The following XIST variants were observed in gnomAD, a reference collection of about 807,000 sequenced individuals.
XIST encodes X inactive specific transcript.
chrX:73,829,217 A>T (rs757767002), exon 5 of XIST: 13 of 555,318 alleles, frequency 2.3e-5, no homozygotes, highest in Non-Finnish European at 4.2e-5. Context: ...TTTGGCAGAT[A>T]GGAACAATGA....
intron 2 of XIST, among the ~76,000 whole-genome samples, chrX:73,836,088 G>C (rs1432535086): frequency 1.8e-5 from 2 of 111,097 alleles, no homozygotes; most frequent in Non-Finnish European, 3.8e-5. Flanking sequence ...TCCCACGTGT[G>C]AACATGCCTT....
At chrX:73,849,917 G>C (rs1303341069) in exon 1 of XIST, 2 of 541,123 alleles carry the variant, frequency 3.7e-6, no homozygotes, top group Non-Finnish European at 6.6e-6. Flanking sequence ...GGCTAGACTA[G>C]GGGTTTGCTG....
chrX:73,848,665 T>C (rs1191737325), exon 1 of XIST: 1 of 558,375 alleles, frequency 1.8e-6, no homozygotes, highest in South Asian at 2.2e-5. Context: ...CTGCACTCGT[T>C]AGCAACATCC....
At chrX:73,820,729 G>T in exon 6 of XIST, 1 of 556,855 alleles carries the variant, frequency 1.8e-6, no homozygotes, top group Non-Finnish European at 3.2e-6. Context: ...CATCTAGATG[G>T]CTTAAGATTA....
At chrX:73,842,703 A>G (rs955715802) in exon 1 of XIST, 1 of 558,517 alleles carries the variant, frequency 1.8e-6, no homozygotes, top group South Asian at 2.2e-5. Context: ...AGAGGGGTTC[A>G]TGTATAATGG....
At chrX:73,829,236 A>T (rs1177360353) in intron 4 of XIST, 3 of 551,544 alleles carry the variant, frequency 5.4e-6, no homozygotes, top group Non-Finnish European at 9.8e-6. Context: ...GAAGAGCTAT[A>T]AAAAAACATG....
exon 1 of XIST, chrX:73,846,709 C>T: frequency 1.8e-6 from 1 of 559,015 alleles, no homozygotes; most frequent in Non-Finnish European, 3.2e-6. Flanking sequence ...TAGTGCATAG[C>T]AACCTCGACA....
chrX:73,823,309 C>CTTTTTTTTTTTTT, exon 6 of XIST: 1 of 440,200 alleles, frequency 2.3e-6, no homozygotes, highest in African/African-American at 2.8e-5. Flanking sequence ...ATTTTTCTTT[C>CTTTTTTTTTTTTT]TTTTTTTTTT....
In XIST at chrX:73,850,893, G is replaced by C. The variant is rs777915308; in HGVS notation, n.1831C>G. ...TGGACAGGAGGGGACAAATAAGAGGGGACAGAGGTGGAAAGGCTAAATGTC... is the reference window on the plus strand; with the variant it reads ...TGGACAGGAGGGGACAAATAAGAGGCGACAGAGGTGGAAAGGCTAAATGTC... On this transcript the variant is annotated non_coding_transcript_exon_variant, in exon 1 of 6. Coordinates refer to ENST00000429829, the Ensembl canonical transcript of XIST. 3.7e-5 allele frequency: 20 copies of C among 547,929 alleles called. No homozygotes were observed. The Admixed American group carries it at 4.6e-4, about 13-fold the overall frequency. 45.2% of individuals were successfully genotyped at this position (547,929 alleles called of 1,213,427 possible).
chrX:73,826,824 C>T (rs759767267), exon 6 of XIST: 1 of 558,329 alleles, frequency 1.8e-6, no homozygotes, highest in South Asian at 2.2e-5. Context: ...CAGCTACAAC[C>T]CTGGGCTAAT....
At chrX:73,821,261 T>C (rs775394130) in exon 6 of XIST, 10 of 554,940 alleles carry the variant, frequency 1.8e-5, no homozygotes, top group Admixed American at 1.8e-4. Flanking sequence ...TACTTTGACA[T>C]TTATCTATTT....
At chrX:73,844,169 AAGAAAAGGGGACTT>A in exon 1 of XIST, 1 of 558,907 alleles carries the variant, frequency 1.8e-6, no homozygotes. Flanking sequence ...TCAACAAGCC[AAGAAAAGGGGACTT>A]AGGGGGTCAG....
chrX:73,850,054 G>A (rs1922877788), exon 1 of XIST: 1 of 559,091 alleles, frequency 1.8e-6, no homozygotes, highest in African/African-American at 2.2e-5. Context: ...TGTCTGATAA[G>A]TAGGTGATTA....
At chrX:73,843,112 C>A (rs908810061) in exon 1 of XIST, 1 of 557,899 alleles carries the variant, frequency 1.8e-6, no homozygotes, top group Non-Finnish European at 3.2e-6. Flanking sequence ...TTAACAAGGT[C>A]AGGGAGGGAG....
exon 6 of XIST, chrX:73,822,357 T>C (rs1280995335): frequency 1.5e-5 from 8 of 542,708 alleles, no homozygotes; most frequent in Non-Finnish European, 2.0e-5. Context: ...CACAATGTTA[T>C]TTAGGGACTA....
chrX:73,823,587 C>A, exon 6 of XIST: 1 of 558,355 alleles, frequency 1.8e-6, no homozygotes, highest in Non-Finnish European at 3.2e-6. Context: ...TCCTTTACTT[C>A]TGTAGGCCAG....
At chrX:73,836,033 G>T (rs909086963) in intron 2 of XIST, among the ~76,000 whole-genome samples, 1 of 110,945 alleles carries the variant, frequency 9.0e-6, no homozygotes, top group Admixed American at 9.7e-5. Context: ...TCTTAAATAG[G>T]CACTTTGGAA....
At chrX:73,826,886 G>A in exon 6 of XIST, 1 of 558,469 alleles carries the variant, frequency 1.8e-6, no homozygotes, top group South Asian at 2.2e-5. Flanking sequence ...CCTTCCATGT[G>A]TCCTGTCCCA....
chrX:73,851,221 T>C (rs763876305), exon 1 of XIST: 1 of 559,343 alleles, frequency 1.8e-6, no homozygotes, highest in South Asian at 2.2e-5. Flanking sequence ...TCTTTAACAA[T>C]GCGGCAAGCC....
Sources: allele counts gnomAD v4.1 joint callset (sites outside exome capture counted in the v4.1 genomes callset), GRCh38; gene constraint gnomAD v4.1.1; transcripts MANE v1.5; gene names NCBI Gene and HGNC (gene_info 2026-07-23, HGNC 2026-07-21).